Variants in DLGAP1 observed in about 807,000 individuals in gnomAD.
The protein encoded by DLGAP1 is disks large-associated protein 1.
A neutral mutation model predicts 90.8 loss-of-function variants in DLGAP1; 11 were observed. The observed-to-expected ratio is 0.12, with a 90% CI of 0.08 to 0.20. The LOEUF (loss-of-function observed/expected upper bound fraction) is 0.20. DLGAP1 is among the 10% of genes least tolerant of loss of function. The pLI is 1.00. For missense variants in DLGAP1, 1,050 were observed against 1,333.8 expected (o/e 0.79, Z 3.31); for synonymous variants, 558 against 540.7 (o/e 1.03, Z -0.44).
intron 5 of DLGAP1, among the ~76,000 whole-genome samples, chr18:3,754,821 G>A (rs1224226156): frequency 6.6e-6 from 1 of 151,814 alleles, no homozygotes; most frequent in Admixed American, 6.6e-5. Context: ...GCTTGAACCC[G>A]GGGGTTGGAG....
At chr18:3,951,214 C>T (rs765017801) in intron 3 of DLGAP1, among the ~76,000 whole-genome samples, 2 of 152,188 alleles carry the variant, frequency 1.3e-5, no homozygotes, top group Non-Finnish European at 2.9e-5. Flanking sequence ...CAAGTTAAAA[C>T]GTGACAGTGG....
intron 9 of DLGAP1, among the ~76,000 whole-genome samples, chr18:3,564,597 T>C (rs1451223840): frequency 6.6e-6 from 1 of 152,224 alleles, no homozygotes; most frequent in African/African-American, 2.4e-5. Flanking sequence ...GATATTCACT[T>C]TGAGGACCTG....
rs541248299 is a variant in DLGAP1, at chr18:3,577,084, C to A, written c.1965+4791G>T. Among the ~76,000 whole-genome samples the A allele has an allele frequency of 4.6e-5, 7 of 152,264 alleles. No individual in the cohort carries two copies. The South Asian group carries it at 1.5e-3, about 32-fold the overall frequency. ...CCATGTTGGTCAGGTTGGTCTCAAA[C>A]TCCTCACCTCAGGTGATCCACCCAC... On this transcript the variant is annotated intron_variant, in intron 8 of 12. Transcript: ENST00000315677.
intron 1 of DLGAP1, among the ~76,000 whole-genome samples, chr18:4,160,471 A>T (rs978567860): frequency 9.4e-5 from 14 of 148,574 alleles, no homozygotes; most frequent in Non-Finnish European, 1.0e-4. Flanking sequence ...TATATGCCAG[A>T]CTCTTTTGTA....
rs74637605 is a variant in DLGAP1, at chr18:4,384,432, T to A, written c.-267+70574A>T. On this transcript the variant is annotated intron_variant, in intron 1 of 12. Transcript: ENST00000315677. ...GTTCATGTGGAACCATCCAGTCCAC[T>A]TTGATGACAGAATGTAATAGCAGGG... Among the ~76,000 whole-genome samples the A allele has an allele frequency of 4.2e-3, 639 of 152,320 alleles. 14 individuals are homozygous for A. Among genetic ancestry groups the A allele is most frequent in the Admixed American group, 0.034 (525 of 15,296 alleles).
At chr18:4,411,705 A>G (rs1188688508) in intron 1 of DLGAP1, among the ~76,000 whole-genome samples, 1 of 152,188 alleles carries the variant, frequency 6.6e-6, no homozygotes, top group Non-Finnish European at 1.5e-5. Context: ...TGGTTCACTC[A>G]TGCAACTGGC....
intron 1 of DLGAP1, among the ~76,000 whole-genome samples, chr18:4,187,109 T>C (rs573028194): frequency 1.3e-5 from 2 of 152,302 alleles, no homozygotes; most frequent in South Asian, 4.1e-4. Flanking sequence ...TTTTGCATCC[T>C]GAAATTTTGC....
chr18:3,746,272 A>G (rs1449498848), intron 5 of DLGAP1, among the ~76,000 whole-genome samples: 1 of 152,164 alleles, frequency 6.6e-6, no homozygotes, highest in Non-Finnish European at 1.5e-5. Context: ...TATAGATTAT[A>G]TTTTATAATC....
intron 2 of DLGAP1, among the ~76,000 whole-genome samples, chr18:4,133,319 G>A (rs1381533797): frequency 1.3e-5 from 2 of 152,140 alleles, no homozygotes; most frequent in South Asian, 2.1e-4. Context: ...AGGTACAAGG[G>A]TTGCCTCAGA....
chr18:4,387,788 G>A (rs990413301), intron 1 of DLGAP1, among the ~76,000 whole-genome samples: 21 of 152,174 alleles, frequency 1.4e-4, no homozygotes, highest in Non-Finnish European at 1.6e-4. Context: ...AAAATTAGTC[G>A]GGCATGGTGG....
At chr18:3,872,969 A>C (rs893231213) in intron 4 of DLGAP1, among the ~76,000 whole-genome samples, 1 of 152,188 alleles carries the variant, frequency 6.6e-6, no homozygotes, top group Non-Finnish European at 1.5e-5. Flanking sequence ...ACAGGCAGAA[A>C]CCTCTGACTG....
intron 1 of DLGAP1, among the ~76,000 whole-genome samples, chr18:4,390,358 T>C (rs932337791): frequency 6.6e-6 from 1 of 151,944 alleles, no homozygotes; most frequent in African/African-American, 2.4e-5. Flanking sequence ...TGAACCTCTA[T>C]TGACACATCA....
At chr18:4,151,849 A>T (rs578219858) in intron 1 of DLGAP1, among the ~76,000 whole-genome samples, 4 of 152,258 alleles carry the variant, frequency 2.6e-5, no homozygotes, top group African/African-American at 9.6e-5. Flanking sequence ...TAGGACAAAT[A>T]CCTAATGCAT....
At chr18:3,878,146 CT>C (rs2071050229) in intron 4 of DLGAP1, 1 of 146,392 alleles carries the variant, frequency 6.8e-6, no homozygotes, top group Non-Finnish European at 1.5e-5. Context: ...GTATGTTATA[CT>C]TTTATAGCTC....
In DLGAP1 at chr18:3,729,355, G is replaced by A. The variant is rs1410417124; in HGVS notation, c.1371C>T (p.Asn457=). The A allele has an allele frequency of 3.1e-6, 5 of 1,613,222 alleles. No homozygotes were observed. Among genetic ancestry groups the A allele is most frequent in the South Asian group, 2.2e-5 (2 of 91,034 alleles). Reference sequence around the variant, plus strand: ...ACTCGCACACGGACTCGAACTGCCCGTTCACTTCCATCTCGCTCACCTGCG... The same window carrying A: ...ACTCGCACACGGACTCGAACTGCCCATTCACTTCCATCTCGCTCACCTGCG... The part of the protein sequence containing the change: ...TISQVSEMEV[N]GQFESVCESV... The change falls in exon 7 of 13, where the codon AAC becomes AAT. Residue 457 remains asparagine (N), a synonymous_variant. Coordinates refer to ENST00000315677, the MANE Select transcript of DLGAP1 (RefSeq NM_004746.4). This position sits in a 1 kb window ranked among gnomAD's most constrained non-coding sequence, Gnocchi z 6.2.
At chr18:3,576,580 T>C (rs1384190142) in intron 8 of DLGAP1, among the ~76,000 whole-genome samples, 1 of 150,514 alleles carries the variant, frequency 6.6e-6, no homozygotes, top group Non-Finnish European at 1.5e-5. Flanking sequence ...TTTTTTTTTT[T>C]TGAGATGGAG....
At chr18:4,333,770 C>T (rs1193879954) in intron 1 of DLGAP1, among the ~76,000 whole-genome samples, 1 of 151,170 alleles carries the variant, frequency 6.6e-6, no homozygotes, top group East Asian at 2.0e-4. Flanking sequence ...CAGGCGCCCA[C>T]CACCACGCCC....
intron 7 of DLGAP1, among the ~76,000 whole-genome samples, chr18:3,605,560 G>C (rs1347117589): frequency 1.3e-5 from 2 of 152,204 alleles, no homozygotes; most frequent in Non-Finnish European, 2.9e-5. Flanking sequence ...TAACACTTAA[G>C]TATCTCTTGC....
chr18:3,652,359 G>A (rs149421826), intron 7 of DLGAP1, among the ~76,000 whole-genome samples: 10 of 152,070 alleles, frequency 6.6e-5, no homozygotes, highest in East Asian at 1.9e-4. Context: ...ACAGGGTCTC[G>A]CTCTGTTGAC....
Sources: gnomAD v4.1 joint callset for allele counts (sites outside exome capture counted in the v4.1 genomes callset) on GRCh38, gnomAD v4.1.1 for gene constraint, Gnocchi (gnomAD v3.1) non-coding constraint, MANE v1.5 for transcripts, NCBI Gene and HGNC (gene_info 2026-07-23, HGNC 2026-07-21) for gene names.